The following NCEH1 variants were observed in gnomAD, a reference collection of about 807,000 sequenced individuals.
The protein encoded by NCEH1 is 2-acetyl MAGE hydrolase.
A neutral mutation model predicts 25.4 loss-of-function variants in NCEH1; 9 were observed. The observed-to-expected ratio is 0.35, with a 90% CI of 0.21 to 0.62. The LOEUF is 0.62. Among genes scored for constraint, NCEH1 ranks in the 20% least tolerant of loss-of-function variants. NCEH1 has a pLI of 0.72. For missense variants in NCEH1, 412 were observed against 501.1 expected (o/e 0.82, Z 1.70); for synonymous variants, 200 against 199.8 (o/e 1.00, Z -0.01).
intron 1 of NCEH1, among the ~76,000 whole-genome samples, chr3:172,689,093 C>T (rs1355135725): frequency 6.6e-6 from 1 of 152,122 alleles, no homozygotes; most frequent in African/African-American, 2.4e-5. Flanking sequence ...GGGACAAATG[C>T]TCCTTGCCTG....
At chr3:172,654,121 G>A (rs1024076788) in intron 1 of NCEH1, among the ~76,000 whole-genome samples, 2 of 152,258 alleles carry the variant, frequency 1.3e-5, no homozygotes, top group African/African-American at 2.4e-5. Flanking sequence ...GAGGCAAGAG[G>A]AGCATGGCAA....
chr3:172,672,195 T>C (rs749597117), intron 1 of NCEH1, among the ~76,000 whole-genome samples: 1 of 152,290 alleles, frequency 6.6e-6, no homozygotes, highest in East Asian at 1.9e-4. Flanking sequence ...GTACCAAGTT[T>C]CACCAAGTAT....
At chr3:172,653,622 C>T (rs770816066) in intron 1 of NCEH1, among the ~76,000 whole-genome samples, 36 of 152,000 alleles carry the variant, frequency 2.4e-4, no homozygotes, top group Admixed American at 1.6e-3. Flanking sequence ...GGTGTCTGGC[C>T]CTCAATTACA....
At chr3:172,689,797 T>C (rs570700479) in intron 1 of NCEH1, among the ~76,000 whole-genome samples, 22 of 151,842 alleles carry the variant, frequency 1.4e-4, no homozygotes, top group African/African-American at 4.3e-4. Flanking sequence ...GAGAGTAAAA[T>C]AGACCATTTT....
At chr3:172,708,402 CT>C (rs1229051436) in intron 1 of NCEH1, among the ~76,000 whole-genome samples, 1 of 152,192 alleles carries the variant, frequency 6.6e-6, no homozygotes, top group African/African-American at 2.4e-5. Flanking sequence ...GTTGCCCAGG[CT>C]GGAGTGCAGT....
At chr3:172,702,809 C>T (rs1576784528) in intron 1 of NCEH1, among the ~76,000 whole-genome samples, 2 of 151,940 alleles carry the variant, frequency 1.3e-5, no homozygotes, top group Admixed American at 1.3e-4. Flanking sequence ...CATAGCAAGA[C>T]TTTGTCTCTC....
At chr3:172,700,183 G>A (rs1006971322) in intron 1 of NCEH1, among the ~76,000 whole-genome samples, 1 of 152,170 alleles carries the variant, frequency 6.6e-6, no homozygotes. Flanking sequence ...TGGCATCAGA[G>A]TTGGCATTCT....
chr3:172,675,518 T>G (rs1213023330), intron 1 of NCEH1, among the ~76,000 whole-genome samples: 7 of 152,204 alleles, frequency 4.6e-5, no homozygotes, highest in African/African-American at 1.7e-4. Context: ...GAAGGATGTT[T>G]AGAATGAGTC....
At chr3:172,650,737 G>A (rs1026430416) in intron 1 of NCEH1, among the ~76,000 whole-genome samples, 10 of 149,514 alleles carry the variant, frequency 6.7e-5, no homozygotes, top group South Asian at 2.1e-4. Flanking sequence ...GCTTGAACCC[G>A]GGAGGCAGAT....
Position 172,633,924 on chromosome 3 carries a change from A to G in NCEH1, c.778T>C (p.Tyr260His). The G allele has an allele frequency of 6.2e-7, 1 of 1,614,148 alleles. No homozygotes were observed. Among genetic ancestry groups the G allele is most frequent in the Non-Finnish European group, 8.5e-7 (1 of 1,179,960 alleles). The change falls in exon 5 of 5, where the codon TAT (tyrosine) becomes CAT (histidine). Residue 260 changes from tyrosine to histidine, a missense_variant. Transcript: ENST00000475381. ...KYWVDYFKGNYDFVQAMIVNN... is the reference protein window; with the variant it reads ...KYWVDYFKGNHDFVQAMIVNN... Reference sequence around the variant, plus strand: ...ACGATCATTGCCTGCACAAAGTCATAGTTGCCTTTGAAGTAGTCCACCCAA... The same window carrying G: ...ACGATCATTGCCTGCACAAAGTCATGGTTGCCTTTGAAGTAGTCCACCCAA...
chr3:172,708,068 T>G (rs1472701625), intron 1 of NCEH1, among the ~76,000 whole-genome samples: 1 of 152,208 alleles, frequency 6.6e-6, no homozygotes, highest in Non-Finnish European at 1.5e-5. Flanking sequence ...AGTAGCTGCT[T>G]CTTAAGGAAT....
At chr3:172,694,394 C>CTGTGTG (rs768064072) in intron 1 of NCEH1, among the ~76,000 whole-genome samples, 3 of 130,742 alleles carry the variant, frequency 2.3e-5, no homozygotes, top group Admixed American at 7.9e-5. Flanking sequence ...GTGTGTGTGT[C>CTGTGTG]TGTGTGTGTG....
chr3:172,705,462 T>G (rs1352128046), intron 1 of NCEH1, among the ~76,000 whole-genome samples: 1 of 152,184 alleles, frequency 6.6e-6, no homozygotes, highest in African/African-American at 2.4e-5. Flanking sequence ...CCCTGAGTTT[T>G]GGGTTAAATG....
chr3:172,700,302 T>A (rs569728413), intron 1 of NCEH1, among the ~76,000 whole-genome samples: 63 of 152,248 alleles, frequency 4.1e-4, no homozygotes, highest in African/African-American at 1.5e-3. Flanking sequence ...ACTATACAAA[T>A]GTAATTGTTT....
chr3:172,702,288 A>G (rs1449907423), intron 1 of NCEH1, among the ~76,000 whole-genome samples: 1 of 152,252 alleles, frequency 6.6e-6, no homozygotes, highest in Non-Finnish European at 1.5e-5. Context: ...TCTGCCACAG[A>G]GTAAATGCTC....
At chr3:172,692,617 A>G (rs619809) in intron 1 of NCEH1, among the ~76,000 whole-genome samples, 119,169 of 151,966 alleles carry the variant, frequency 0.78, 47,948 homozygotes, top group African/African-American at 0.95. Flanking sequence ...CACTTGCCTC[A>G]GCCTCCTAGA....
intron 1 of NCEH1, among the ~76,000 whole-genome samples, chr3:172,658,981 C>T (rs373391267): frequency 3.3e-5 from 5 of 150,262 alleles, no homozygotes; most frequent in African/African-American, 7.4e-5. Context: ...CGTGTGCTGA[C>T]GTTTGCTCTC....
At chr3:172,638,929 C>T (rs1198540132) in intron 3 of NCEH1, among the ~76,000 whole-genome samples, 1 of 152,138 alleles carries the variant, frequency 6.6e-6, no homozygotes, top group Admixed American at 6.5e-5. Flanking sequence ...CATAAAGATC[C>T]ATGGCCTAAC....
At chr3:172,680,169 A>G (rs1712259674) in intron 1 of NCEH1, among the ~76,000 whole-genome samples, 1 of 152,174 alleles carries the variant, frequency 6.6e-6, no homozygotes, top group African/African-American at 2.4e-5. Context: ...GGCCTAGTCA[A>G]TTAAAGGTGT....
Sources: gnomAD v4.1 joint callset for allele counts (sites outside exome capture counted in the v4.1 genomes callset) on GRCh38, gnomAD v4.1.1 for gene constraint, MANE v1.5 for transcripts, NCBI Gene and HGNC (gene_info 2026-07-23, HGNC 2026-07-21) for gene names.